Variants in PLPPR1 observed in about 807,000 individuals in gnomAD.
The protein encoded by PLPPR1 is phospholipid phosphatase related 1.
A neutral mutation model predicts 33.1 loss-of-function variants in PLPPR1; 10 were observed. The ratio of observed to expected loss-of-function variants is 0.30; its 90% CI spans 0.19 to 0.51. PLPPR1 has a LOEUF of 0.51. Among genes scored for constraint, PLPPR1 ranks in the 20% least tolerant of loss-of-function variants. The pLI is 0.97. For missense variants in PLPPR1, 304 were observed against 408.1 expected, an observed-to-expected ratio of 0.74 and a Z score of 2.20; for synonymous variants, 151 against 151.0, an observed-to-expected ratio of 1.00 and a Z score of 0.00.
At chr9:101,271,240 G>A (rs1326373971) in intron 3 of PLPPR1, among the ~76,000 whole-genome samples, 1 of 151,982 alleles carries the variant, frequency 6.6e-6, no homozygotes, top group Admixed American at 6.6e-5. Context: ...CCTGACTTTG[G>A]GCAAGTCACC....
chr9:101,312,515 C>T (rs112171561), intron 5 of PLPPR1, among the ~76,000 whole-genome samples: 49 of 152,256 alleles, frequency 3.2e-4, no homozygotes, highest in Non-Finnish European at 5.4e-4. Context: ...TGAATCTAAT[C>T]GTTAATGCGT....
At chr9:101,113,115 G>A (rs1209243456) in intron 1 of PLPPR1, among the ~76,000 whole-genome samples, 1 of 152,034 alleles carries the variant, frequency 6.6e-6, no homozygotes, top group African/African-American at 2.4e-5. Flanking sequence ...AGACATTCAA[G>A]TTCAGGAGGT....
intron 1 of PLPPR1, among the ~76,000 whole-genome samples, chr9:101,164,935 G>C (rs1328103286): frequency 6.6e-6 from 1 of 152,008 alleles, no homozygotes; most frequent in Non-Finnish European, 1.5e-5. Context: ...GAGAGGGGAG[G>C]GGGTTGGAGG....
chr9:101,077,234 T>C (rs2118500969), intron 1 of PLPPR1, among the ~76,000 whole-genome samples: 1 of 152,268 alleles, frequency 6.6e-6, no homozygotes, highest in African/African-American at 2.4e-5. Flanking sequence ...TATGCCCCTA[T>C]CTCTTCTTAG....
chr9:101,070,020 A>C (rs1977502), intron 1 of PLPPR1, among the ~76,000 whole-genome samples: 5,920 of 152,168 alleles, frequency 0.039, 173 homozygotes, highest in East Asian at 0.081. Flanking sequence ...TGTGACTTAT[A>C]ACTATTGATG....
intron 1 of PLPPR1, among the ~76,000 whole-genome samples, chr9:101,096,088 G>A (rs1443374287): frequency 1.3e-5 from 2 of 152,072 alleles, no homozygotes; most frequent in Non-Finnish European, 2.9e-5. Flanking sequence ...AAGTAGATGA[G>A]GGTATTTGAG....
chr9:101,067,309 A>T (rs1830430737), intron 1 of PLPPR1, among the ~76,000 whole-genome samples: 1 of 151,872 alleles, frequency 6.6e-6, no homozygotes, highest in South Asian at 2.1e-4. Flanking sequence ...CACCATCATT[A>T]TCTTGGTCTG....
At chr9:101,156,598 A>T (rs1831695933) in intron 1 of PLPPR1, among the ~76,000 whole-genome samples, 1 of 151,600 alleles carries the variant, frequency 6.6e-6, no homozygotes, top group Admixed American at 6.6e-5. Flanking sequence ...AAAAAAAGAA[A>T]TAGCTGCAGA....
chr9:101,266,393 C>T (rs1827994966), intron 2 of PLPPR1, among the ~76,000 whole-genome samples: 1 of 85,976 alleles, frequency 1.2e-5, no homozygotes, highest in Non-Finnish European at 2.6e-5. Context: ...GAGACCCTGT[C>T]TCCAAAAAAA....
chr9:101,196,299 GA>G (rs1197757225), intron 2 of PLPPR1, among the ~76,000 whole-genome samples: 39 of 152,304 alleles, frequency 2.6e-4, no homozygotes, highest in Middle Eastern at 3.4e-3. Context: ...TTAAGAGGAT[GA>G]AATATAAAAT....
In PLPPR1 at chr9:101,309,310, C is replaced by T. The variant is rs150814920; in HGVS notation, c.485C>T (p.Pro162Leu). The T allele has an allele frequency of 3.1e-6, 5 of 1,614,172 alleles. No homozygotes were observed. The highest frequency in any genetic ancestry group is 3.4e-6 in the Non-Finnish European group (4 of 1,180,034). ...CCATACTTCCTGACTGTGTGCAAGCCAAACTACACCAGTGCAGACTGCCAA... is the reference window on the plus strand; with the variant it reads ...CCATACTTCCTGACTGTGTGCAAGCTAAACTACACCAGTGCAGACTGCCAA... ...LTPYFLTVCK[P>L]NYTSADCQAH... The change falls in exon 5 of 8, where the codon CCA (proline) becomes CTA (leucine). Residue 162 changes from proline to leucine, a missense_variant. Coordinates refer to ENST00000374874, the MANE Select transcript of PLPPR1 (RefSeq NM_207299.2).
At chr9:101,037,518 A>G (rs559296435) in intron 1 of PLPPR1, among the ~76,000 whole-genome samples, 1 of 152,218 alleles carries the variant, frequency 6.6e-6, no homozygotes, top group South Asian at 2.1e-4. Flanking sequence ...GATTCAATGA[A>G]ATACATAATC....
At chr9:101,091,463 T>G (rs1830740491) in intron 1 of PLPPR1, among the ~76,000 whole-genome samples, 1 of 152,178 alleles carries the variant, frequency 6.6e-6, no homozygotes, top group Non-Finnish European at 1.5e-5. Context: ...CTAGTGTTCC[T>G]TGGGTCATAG....
intron 2 of PLPPR1, among the ~76,000 whole-genome samples, chr9:101,258,431 A>G (rs1157824975): frequency 6.6e-6 from 1 of 152,154 alleles, no homozygotes; most frequent in Non-Finnish European, 1.5e-5. Flanking sequence ...GGCTTGGCAC[A>G]TGATTGGTGT....
chr9:101,227,150 C>T (rs1341025822), intron 2 of PLPPR1, among the ~76,000 whole-genome samples: 1 of 152,168 alleles, frequency 6.6e-6, no homozygotes, highest in African/African-American at 2.4e-5. Flanking sequence ...CCTTGAGGGC[C>T]TCTTTGATGC....
chr9:101,122,088 A>C (rs7043018), intron 1 of PLPPR1, among the ~76,000 whole-genome samples: 6,598 of 147,618 alleles, frequency 0.045, 436 homozygotes, highest in African/African-American at 0.14. Context: ...AGACATTGAA[A>C]CTTGCTTTGT....
intron 3 of PLPPR1, 52 bp from the exon 4 acceptor site, chr9:101,286,052 C>G: frequency 1.3e-6 from 2 of 1,529,190 alleles, no homozygotes; most frequent in Admixed American, 3.5e-5. Flanking sequence ...CCATGGGCCT[C>G]TCTTATCAAA....
chr9:101,238,382 A>G (rs554745640), intron 2 of PLPPR1, among the ~76,000 whole-genome samples: 4 of 145,036 alleles, frequency 2.8e-5, no homozygotes, highest in Non-Finnish European at 6.0e-5. Context: ...TATATAGGGT[A>G]TATATATATG....
chr9:101,267,637 T>C (rs1019969914), intron 2 of PLPPR1, among the ~76,000 whole-genome samples: 3 of 152,152 alleles, frequency 2.0e-5, no homozygotes, highest in Non-Finnish European at 2.9e-5. Flanking sequence ...TGTGGCCTAA[T>C]TGGAATAAAA....
Sources: allele counts gnomAD v4.1 joint callset (sites outside exome capture counted in the v4.1 genomes callset), GRCh38; gene constraint gnomAD v4.1.1; transcripts MANE v1.5; gene names NCBI Gene and HGNC (gene_info 2026-07-23, HGNC 2026-07-21).